Variants in SAR1A observed in about 807,000 individuals in gnomAD.
SAR1A encodes small COPII coat GTPase SAR1A.
In SAR1A, 6 loss-of-function variants were observed where a neutral mutation model predicts 22.6. The observed-to-expected ratio is 0.27, with a 90% CI of 0.15 to 0.52. The LOEUF is 0.52. Among genes scored for constraint, SAR1A ranks in the 20% least tolerant of loss-of-function variants. The pLI is 0.96. For missense variants in SAR1A, 145 were observed against 245.1 expected (o/e 0.59, Z 2.73); for synonymous variants, 70 against 82.2 (o/e 0.85, Z 0.80).
chr10:70,170,042 G>A (rs1233809238), intron 1 of SAR1A, among the ~76,000 whole-genome samples: 1 of 152,034 alleles, frequency 6.6e-6, no homozygotes, highest in South Asian at 2.1e-4. Context: ...TACAAAACAA[G>A]GATAATCATA....
chr10:70,155,889 C>G (rs555502295), intron 5 of SAR1A, among the ~76,000 whole-genome samples: 1 of 152,168 alleles, frequency 6.6e-6, no homozygotes, highest in South Asian at 2.1e-4. Flanking sequence ...ATGAATGATC[C>G]TATGTGCTAT....
intron 6 of SAR1A, 100 bp downstream of exon 6, chr10:70,153,738 G>T: frequency 2.0e-6 from 2 of 995,276 alleles, no homozygotes; most frequent in Non-Finnish European, 2.8e-6. Context: ...TCCTAAGCCT[G>T]TTTAAGCCTT....
rs758314204 is a variant in SAR1A, at chr10:70,157,746, T to C, written c.348+18A>G. 2 of 1,584,096 alleles carry C rather than the reference T, an allele frequency of 1.3e-6. No individual in the cohort carries two copies. Among genetic ancestry groups the C allele is most frequent in the Non-Finnish European group, 1.7e-6 (2 of 1,153,818 alleles). On this transcript the variant is annotated intron_variant, in intron 5 of 6. Transcript: ENST00000373241. ...AACAAAATATACATTAAAATACACA[T>C]TAAAGGACAAAACATACATTAAGCT...
chr10:70,167,020 A>G (rs969805225), intron 1 of SAR1A, among the ~76,000 whole-genome samples: 4 of 152,036 alleles, frequency 2.6e-5, no homozygotes, highest in Non-Finnish European at 5.9e-5. Flanking sequence ...AAAGCAAAAA[A>G]AGAATACTTT....
intron 5 of SAR1A, among the ~76,000 whole-genome samples, chr10:70,155,434 C>T (rs984018501): frequency 3.3e-5 from 5 of 152,178 alleles, no homozygotes; most frequent in African/African-American, 9.7e-5. Flanking sequence ...GAGGAATGTA[C>T]TTTGACCATC....
chr10:70,153,035 G>A (rs1023102895), intron 6 of SAR1A, among the ~76,000 whole-genome samples: 3 of 152,160 alleles, frequency 2.0e-5, no homozygotes, highest in Non-Finnish European at 2.9e-5. Flanking sequence ...TAATACTGAT[G>A]CAAAAGAGGA....
intron 6 of SAR1A, among the ~76,000 whole-genome samples, chr10:70,153,043 G>A (rs1444659672): frequency 5.3e-5 from 8 of 151,986 alleles, no homozygotes; most frequent in Non-Finnish European, 1.2e-4. Context: ...ATGCAAAAGA[G>A]GAGAAATTAA....
chr10:70,167,745 A>T (rs1839572088), intron 1 of SAR1A, among the ~76,000 whole-genome samples: 1 of 152,348 alleles, frequency 6.6e-6, no homozygotes, highest in East Asian at 1.9e-4. Context: ...TACCAAAGAC[A>T]GCCAAATAAA....
rs1839355513 is a variant in SAR1A, at chr10:70,153,831, C to T, written c.480+7G>A. The T allele has an allele frequency of 6.4e-7, 1 of 1,573,470 alleles. No individual in the cohort carries two copies. The highest frequency in any genetic ancestry group is 8.6e-7 in the Non-Finnish European group (1 of 1,167,862). On this transcript the variant is annotated splice_region_variant and intron_variant, in intron 6 of 6. Coordinates refer to ENST00000373241, the MANE Select transcript of SAR1A (RefSeq NM_020150.5). ...CTTTATATGTAACCCAAATATTTTT[C>T]TCTTACCTTTCCTGTGGTCTGTCCA...
intron 3 of SAR1A, 25 bp downstream of exon 3, chr10:70,161,594 G>A (rs1267913499): frequency 1.2e-6 from 2 of 1,611,254 alleles, no homozygotes; most frequent in Admixed American, 1.7e-5. Context: ...AAGATCAAAA[G>A]GTCACCTGAT....
rs1839311834 is a variant in SAR1A, at chr10:70,150,365, TG to T, written c.*2110del. 1 of 152,238 alleles carries T rather than the reference TG, an allele frequency of 6.6e-6. No homozygotes were observed. The allele number at this position is 152,238 out of a possible 1,614,324, so 9.4% of individuals were successfully genotyped here. ...CTATACAAGGTGCTGATCCTGTGTT[TG>T]GAGCTGAGCTCCTCACAGCAGCTTC... On this transcript the variant is annotated 3_prime_UTR_variant, in exon 7 of 7. Coordinates refer to ENST00000373241, the MANE Select transcript of SAR1A (RefSeq NM_020150.5).
intron 1 of SAR1A, chr10:70,163,586 T>G: frequency 1.6e-6 from 1 of 615,448 alleles, no homozygotes; most frequent in Non-Finnish European, 2.9e-6. Flanking sequence ...TTGAAAATCC[T>G]AGGGCCCTGA....
intron 1 of SAR1A, chr10:70,163,678 T>C (rs1839506186): frequency 7.9e-6 from 6 of 761,580 alleles, no homozygotes; most frequent in Admixed American, 3.6e-5. Flanking sequence ...CCAGTAGCAC[T>C]TGCAGCATGG....
chr10:70,157,511 C>A (rs1445095583), intron 5 of SAR1A, among the ~76,000 whole-genome samples: 1 of 151,462 alleles, frequency 6.6e-6, no homozygotes, highest in East Asian at 1.9e-4. Context: ...GTATCCTGAG[C>A]AAACTTGGCC....
chr10:70,152,380 G>C lies in SAR1A; in HGVS notation c.*96C>G. 1 of 1,057,224 alleles carries C rather than the reference G, an allele frequency of 9.5e-7. No homozygotes were observed. Among genetic ancestry groups the C allele is most frequent in the South Asian group, 1.3e-5 (1 of 77,916 alleles). The allele number at this position is 1,057,224 out of a possible 1,614,324, so 65.5% of individuals were successfully genotyped here. On this transcript the variant is annotated 3_prime_UTR_variant, in exon 7 of 7. Transcript: ENST00000373241. Reference sequence around the variant, plus strand: ...GGCTTCTCAACGCCAGACATGGTTGGAGAGCTTTCCTTGTTCTATTAGAAA... The same window carrying C: ...GGCTTCTCAACGCCAGACATGGTTGCAGAGCTTTCCTTGTTCTATTAGAAA...
intron 1 of SAR1A, chr10:70,163,761 GAACTATAACAACAAAGA>G: frequency 1.0e-6 from 1 of 1,001,908 alleles, no homozygotes; most frequent in Admixed American, 1.7e-5. Flanking sequence ...GATGGTGATG[GAACTATAACAACAAAGA>G]AACTAGGAAC....
chr10:70,168,695 G>A (rs1463838103), intron 1 of SAR1A, among the ~76,000 whole-genome samples: 1 of 152,180 alleles, frequency 6.6e-6, no homozygotes, highest in Non-Finnish European at 1.5e-5. Flanking sequence ...GTATATAGAA[G>A]TGTTGGGTTG....
At chr10:70,162,939 A>G (rs1046913776) in intron 1 of SAR1A, 1 of 152,208 alleles carries the variant, frequency 6.6e-6, no homozygotes, top group Non-Finnish European at 1.5e-5. Flanking sequence ...TTGTTGTGCC[A>G]CAAACCACAA....
chr10:70,168,949 C>T (rs1251893085), intron 1 of SAR1A, among the ~76,000 whole-genome samples: 2 of 152,124 alleles, frequency 1.3e-5, no homozygotes, highest in Admixed American at 6.5e-5. Context: ...CCTCAGCCTC[C>T]TCAGCAGCTG....
Sources: allele counts gnomAD v4.1 joint callset (sites outside exome capture counted in the v4.1 genomes callset), GRCh38; gene constraint gnomAD v4.1.1; transcripts MANE v1.5; gene names NCBI Gene and HGNC (gene_info 2026-07-23, HGNC 2026-07-21).